LRMDA: variants seen among roughly 807,000 people sequenced by gnomAD.
LRMDA encodes leucine-rich melanocyte differentiation-associated protein.
In LRMDA, 18 loss-of-function variants were observed where a neutral mutation model predicts 29.8. That is an observed-to-expected ratio of 0.60 (90% CI 0.42 to 0.90). The LOEUF (loss-of-function observed/expected upper bound fraction) is 0.90, where lower values mean the gene tolerates loss of function less well. Ranked by LOEUF, LRMDA falls within the 40% of genes least tolerant of loss-of-function variation. LRMDA has a pLI of 0.00. For missense variants in LRMDA, 273 were observed against 273.9 expected (o/e 1.00, Z 0.02); for synonymous variants, 125 against 109.4 (o/e 1.14, Z -0.89).
intron 6 of LRMDA, among the ~76,000 whole-genome samples, chr10:76,397,950 G>A (rs1039145575): frequency 6.6e-6 from 1 of 152,184 alleles, no homozygotes; most frequent in African/African-American, 2.4e-5. Context: ...ACTGTGATGA[G>A]TCCAACCCTT....
chr10:76,341,378 G>A (rs1841039370), intron 6 of LRMDA, among the ~76,000 whole-genome samples: 1 of 152,136 alleles, frequency 6.6e-6, no homozygotes. Context: ...GACAGATTAA[G>A]TGGGGAAAAA....
At chr10:76,051,705 C>G (rs2132046499) in intron 4 of LRMDA, among the ~76,000 whole-genome samples, 1 of 152,308 alleles carries the variant, frequency 6.6e-6, no homozygotes, top group African/African-American at 2.4e-5. Flanking sequence ...GCTTAGACAT[C>G]ATTTGGCCCA....
intron 6 of LRMDA, among the ~76,000 whole-genome samples, chr10:76,506,748 A>G (rs1315833768): frequency 6.6e-6 from 1 of 151,304 alleles, no homozygotes; most frequent in Non-Finnish European, 1.5e-5. Context: ...TGCCTGGCTT[A>G]TTTAACATAA....
At chr10:76,221,959 A>G (rs1220276409) in intron 5 of LRMDA, among the ~76,000 whole-genome samples, 22 of 151,850 alleles carry the variant, frequency 1.4e-4, no homozygotes, top group Non-Finnish European at 2.9e-5. Flanking sequence ...CTCAGAAATA[A>G]CGCCACGTAT....
At chr10:75,991,775 T>G (rs560863899) in intron 2 of LRMDA, among the ~76,000 whole-genome samples, 1 of 152,336 alleles carries the variant, frequency 6.6e-6, no homozygotes, top group East Asian at 1.9e-4. Context: ...CACAGTCAAC[T>G]GGCCAAGCTC....
At chr10:75,570,858 T>C (rs58691046) in intron 2 of LRMDA, among the ~76,000 whole-genome samples, 2,240 of 152,296 alleles carry the variant, frequency 0.015, 61 homozygotes, top group African/African-American at 0.051. Flanking sequence ...AAAATTCCAT[T>C]ATCATAATTT....
At chr10:75,814,750 C>T (rs1436372897) in intron 2 of LRMDA, among the ~76,000 whole-genome samples, 2 of 152,180 alleles carry the variant, frequency 1.3e-5, no homozygotes, top group East Asian at 1.9e-4. Flanking sequence ...GAGCTGTATA[C>T]ACAGCAGAGC....
At chr10:76,036,653 T>C (rs1848252475) in intron 3 of LRMDA, among the ~76,000 whole-genome samples, 1 of 152,128 alleles carries the variant, frequency 6.6e-6, no homozygotes, top group African/African-American at 2.4e-5. Flanking sequence ...AGCCCAGGCC[T>C]GGCTATGCCC....
chr10:76,280,149 A>G (rs1840184660), intron 5 of LRMDA, among the ~76,000 whole-genome samples: 1 of 152,262 alleles, frequency 6.6e-6, no homozygotes. Context: ...CCTGAGCCAG[A>G]GAAGAGGTAT....
At chr10:75,579,894 A>G (rs1840563662) in intron 2 of LRMDA, among the ~76,000 whole-genome samples, 1 of 152,222 alleles carries the variant, frequency 6.6e-6, no homozygotes, top group South Asian at 2.1e-4. Context: ...AAAACTCTCA[A>G]TAAACCAGAT....
At chr10:76,290,104 C>T (rs1029464939) in intron 5 of LRMDA, among the ~76,000 whole-genome samples, 17 of 152,168 alleles carry the variant, frequency 1.1e-4, no homozygotes, top group African/African-American at 3.6e-4. Flanking sequence ...CCTACTTTGG[C>T]AGAATGAGTT....
At chr10:75,531,049 T>C (rs867001847) in intron 2 of LRMDA, among the ~76,000 whole-genome samples, 3 of 152,208 alleles carry the variant, frequency 2.0e-5, no homozygotes, top group African/African-American at 4.8e-5. Context: ...TCTGGGAAGA[T>C]AGAGGCTAAG....
intron 2 of LRMDA, among the ~76,000 whole-genome samples, chr10:75,775,651 G>A (rs948314439): frequency 2.6e-5 from 4 of 152,124 alleles, no homozygotes; most frequent in Non-Finnish European, 4.4e-5. Flanking sequence ...TGTGCGTGGG[G>A]AAACCTCCCA....
chr10:76,453,572 T>C (rs1176195417), intron 6 of LRMDA, among the ~76,000 whole-genome samples: 1 of 152,218 alleles, frequency 6.6e-6, no homozygotes, highest in Non-Finnish European at 1.5e-5. Context: ...TATCTAGTCT[T>C]ACATTGTTAA....
intron 2 of LRMDA, among the ~76,000 whole-genome samples, chr10:75,603,931 G>A (rs1840920695): frequency 6.6e-6 from 1 of 152,166 alleles, no homozygotes; most frequent in African/African-American, 2.4e-5. Flanking sequence ...TGAGCTCTTA[G>A]AAATCTAGCC....
intron 2 of LRMDA, among the ~76,000 whole-genome samples, chr10:75,538,779 G>A (rs1438872089): frequency 6.6e-6 from 1 of 152,150 alleles, no homozygotes; most frequent in Non-Finnish European, 1.5e-5. Context: ...ACCTAAGCTG[G>A]GATTTGATCT....
intron 2 of LRMDA, among the ~76,000 whole-genome samples, chr10:75,617,310 A>C (rs1028207776): frequency 2.6e-5 from 4 of 152,108 alleles, no homozygotes; most frequent in Admixed American, 6.6e-5. Context: ...CCCATTTACA[A>C]CCTCTAAGTG....
intron 2 of LRMDA, among the ~76,000 whole-genome samples, chr10:76,002,313 C>T (rs896448825): frequency 2.0e-5 from 3 of 152,214 alleles, no homozygotes; most frequent in Non-Finnish European, 2.9e-5. Context: ...CCACTTCAAA[C>T]TACTGTCACA....
chr10:75,750,754 G>T (rs1435084981), intron 2 of LRMDA, among the ~76,000 whole-genome samples: 2 of 150,714 alleles, frequency 1.3e-5, no homozygotes, highest in Non-Finnish European at 3.0e-5. Flanking sequence ...CATCCCAGAC[G>T]ATGGGCGGCC....
Sources: allele counts gnomAD v4.1 joint callset (sites outside exome capture counted in the v4.1 genomes callset), GRCh38; gene constraint gnomAD v4.1.1; transcripts MANE v1.5; gene names NCBI Gene and HGNC (gene_info 2026-07-23, HGNC 2026-07-21).